The following WDFY3 variants were observed in gnomAD, a reference collection of about 807,000 sequenced individuals.
The protein encoded by WDFY3 is WD repeat and FYVE domain-containing protein 3.
In WDFY3, 66 loss-of-function variants were observed where a neutral mutation model predicts 409.6. That is an observed-to-expected ratio of 0.16 (90% CI 0.13 to 0.20). WDFY3 has a LOEUF of 0.20. WDFY3 is among the 10% of genes least tolerant of loss of function. The pLI is 1.00. For missense variants in WDFY3, 3,031 were observed against 4,298.1 expected, an observed-to-expected ratio of 0.71 and a Z score of 8.24; for synonymous variants, 1,521 against 1,537.1, an observed-to-expected ratio of 0.99 and a Z score of 0.25.
At chr4:84,778,325 T>C (rs1745906352) in intron 27 of WDFY3, among the ~76,000 whole-genome samples, 178 bp downstream of exon 27, 1 of 152,180 alleles carries the variant, frequency 6.6e-6, no homozygotes, top group Non-Finnish European at 1.5e-5. Flanking sequence ...TGGAATATCC[T>C]TGGAGAAAAG....
chr4:84,685,943 A>T (rs1728232720), intron 62 of WDFY3, among the ~76,000 whole-genome samples: 1 of 152,260 alleles, frequency 6.6e-6, no homozygotes, highest in Non-Finnish European at 1.5e-5. Flanking sequence ...ACACTGCTGC[A>T]TAAGAGCAGT....
At chr4:84,689,250 C>T (rs1057029041) in intron 61 of WDFY3, among the ~76,000 whole-genome samples, 7 of 152,088 alleles carry the variant, frequency 4.6e-5, no homozygotes, top group African/African-American at 1.4e-4. Flanking sequence ...TGTGTATACA[C>T]ATGAAGTATA....
intron 48 of WDFY3, among the ~76,000 whole-genome samples, chr4:84,718,031 C>T (rs188326822): frequency 1.9e-4 from 25 of 130,800 alleles, no homozygotes; most frequent in Admixed American, 1.8e-4. Context: ...GCACTCCAGC[C>T]GGGGTGACAG....
intron 4 of WDFY3, 53 bp downstream of exon 4, chr4:84,860,359 T>A: frequency 6.5e-7 from 1 of 1,543,406 alleles, no homozygotes; most frequent in East Asian, 2.3e-5. Context: ...ACCTTCAGAT[T>A]CTTGTAGTGC....
In WDFY3 at chr4:84,832,754, C is replaced by T. The variant is rs559176057; in HGVS notation, c.577-1149G>A. ...TGATTTTTTAAAAAACATTTACTAT[C>T]CTCTCTTCACCCTAATATTTTTGCA... On this transcript the variant is annotated intron_variant, in intron 7 of 67. Transcript: ENST00000295888. Among the ~76,000 whole-genome samples the T allele has an allele frequency of 2.6e-5, 4 of 152,182 alleles. No homozygotes were observed. The East Asian group carries it at 5.8e-4, about 22-fold the overall frequency.
intron 35 of WDFY3, among the ~76,000 whole-genome samples, chr4:84,752,530 CAAA>C (rs745752478): frequency 8.7e-5 from 6 of 68,732 alleles, no homozygotes; most frequent in Non-Finnish European, 9.4e-5. Context: ...AACCCCGTCT[CAAA>C]AAAAAAAAAA....
intron 21 of WDFY3, among the ~76,000 whole-genome samples, chr4:84,792,702 T>A (rs1291518669): frequency 6.6e-6 from 1 of 152,148 alleles, no homozygotes; most frequent in Non-Finnish European, 1.5e-5. Context: ...AAAAATGAGA[T>A]AAGAGTTAGA....
At chr4:84,902,580 G>C (rs745772825) in intron 2 of WDFY3, among the ~76,000 whole-genome samples, 1 of 152,108 alleles carries the variant, frequency 6.6e-6, no homozygotes, top group Non-Finnish European at 1.5e-5. Context: ...TCATCAAAGA[G>C]AAGAAACTTT....
In WDFY3 at chr4:84,800,955, A is replaced by T. The variant is rs540693596; in HGVS notation, c.2822+695T>A. The stretch of plus-strand genomic sequence containing the variant: ...ACAGGACATGGACCAGTACTGGTCC[A>T]TGGCTCGGGGGTTTGAGACCCCTGC... On this transcript the variant is annotated intron_variant, in intron 17 of 67. Transcript: ENST00000295888. 2.6e-5 allele frequency among the ~76,000 whole-genome samples: 4 copies of T among 152,264 alleles called. No individual in the cohort carries two copies. In the East Asian group the frequency reaches 7.7e-4, roughly 29 times the overall value.
intron 3 of WDFY3, among the ~76,000 whole-genome samples, chr4:84,880,215 A>G (rs1763304407): frequency 6.6e-6 from 1 of 152,142 alleles, no homozygotes; most frequent in African/African-American, 2.4e-5. Flanking sequence ...GGCAAGGAAC[A>G]GATTCTCCCC....
intron 3 of WDFY3, among the ~76,000 whole-genome samples, chr4:84,875,834 T>C (rs1578931933): frequency 6.6e-6 from 1 of 152,162 alleles, no homozygotes. Context: ...CACTGGAAGG[T>C]CTTCAGGGAC....
intron 1 of WDFY3, among the ~76,000 whole-genome samples, chr4:84,961,941 C>T (rs774709470): frequency 6.6e-6 from 1 of 152,152 alleles, no homozygotes; most frequent in Admixed American, 6.5e-5. Flanking sequence ...ACTCAAAAAT[C>T]CCACTCCTAG....
At chr4:84,835,082 T>G (rs1280163600) in intron 7 of WDFY3, among the ~76,000 whole-genome samples, 1 of 152,248 alleles carries the variant, frequency 6.6e-6, no homozygotes, top group African/African-American at 2.4e-5. Flanking sequence ...AAATTATGTT[T>G]TGAGTCCCTT....
At position 84,821,101 on chromosome 4, in the gene WDFY3, T is replaced by C; in HGVS notation, c.1574A>G (p.Gln525Arg). 3.1e-6 allele frequency: 5 copies of C among 1,608,960 alleles called. No individual in the cohort carries two copies. Among genetic ancestry groups the C allele is most frequent in the Non-Finnish European group, 4.2e-6 (5 of 1,178,056 alleles). Reference sequence around the variant, plus strand: ...TACTTTACCTTGTTCATTTAGTGCCTGAGTTGGATCCTTCAACAGGGCAGC... The same window carrying C: ...TACTTTACCTTGTTCATTTAGTGCCCGAGTTGGATCCTTCAACAGGGCAGC... ...KYAALLKDPT[Q>R]ALNEQGDSRN... The change falls in exon 11 of 68, where the codon CAG (glutamine) becomes CGG (arginine). Residue 525 changes from glutamine to arginine, a missense_variant. Coordinates refer to ENST00000295888, the MANE Select transcript of WDFY3 (RefSeq NM_014991.6).
intron 35 of WDFY3, 22 bp downstream of exon 35, chr4:84,753,675 C>A: frequency 6.5e-7 from 1 of 1,529,592 alleles, no homozygotes; most frequent in Non-Finnish European, 8.8e-7. Context: ...CCAGTTCTGA[C>A]ATTTTCCTCC....
At chr4:84,724,361 G>A (rs1735316367) in intron 46 of WDFY3, 65 bp downstream of exon 46, 1 of 1,528,414 alleles carries the variant, frequency 6.5e-7, no homozygotes, top group Non-Finnish European at 8.8e-7. Flanking sequence ...TCAAATTTTT[G>A]TATGAATTCA....
At position 84,688,243 on chromosome 4, in the gene WDFY3, G is replaced by T; in HGVS notation, c.9386C>A (p.Thr3129Asn). ...TAATGATGCTGTGGCGCAGGTGACG[G>T]TATCAGTGTGGCCCAGTAAGGCCTA... ...LKQALLGHTD[T>N]VTCATASLAY... Residue 3129 changes from threonine to asparagine, a missense_variant, in exon 62 of 68, where the codon ACC (threonine) becomes AAC (asparagine). Coordinates refer to ENST00000295888, the MANE Select transcript of WDFY3 (RefSeq NM_014991.6). The T allele has an allele frequency of 6.2e-7, 1 of 1,614,036 alleles. No homozygotes were observed.
At position 84,896,221 on chromosome 4, in the gene WDFY3, A is replaced by G. The variant is rs1765613815; in HGVS notation, c.-32+690T>C. On this transcript the variant is annotated intron_variant, in intron 3 of 67. Coordinates refer to ENST00000295888, the MANE Select transcript of WDFY3 (RefSeq NM_014991.6). ...CAGTGAGCCGAGATTGTGCCACTAC[A>G]CTCCAGCCTGGCAACAGAGCGACAC... Among the ~76,000 whole-genome samples the G allele has an allele frequency of 1.3e-5, 2 of 152,016 alleles. 1 individual carries two copies. The highest frequency in any genetic ancestry group is 4.2e-4 in the South Asian group (2 of 4,816).
intron 17 of WDFY3, 133 bp from the exon 18 acceptor site, chr4:84,798,241 CA>C: frequency 1.5e-6 from 1 of 685,270 alleles, no homozygotes; most frequent in East Asian, 2.8e-5. Flanking sequence ...TATAATAAAA[CA>C]ATATAGTGTT....
Sources: gnomAD v4.1 joint callset for allele counts (sites outside exome capture counted in the v4.1 genomes callset) on GRCh38, gnomAD v4.1.1 for gene constraint, MANE v1.5 for transcripts, NCBI Gene and HGNC (gene_info 2026-07-23, HGNC 2026-07-21) for gene names.